Variants in PITPNB observed in about 807,000 individuals in gnomAD.
The protein encoded by PITPNB is phosphatidylinositol transfer protein beta.
PITPNB carries 16 observed loss-of-function variants against 45.9 expected under a neutral mutation model. The ratio of observed to expected loss-of-function variants is 0.35; its 90% CI spans 0.24 to 0.53. PITPNB has a LOEUF of 0.53. Among genes scored for constraint, PITPNB ranks in the 20% least tolerant of loss-of-function variants. PITPNB has a pLI of 0.93. For synonymous variants in PITPNB, 112 were observed against 108.9 expected (o/e 1.03, Z -0.18); for missense variants, 188 against 330.5 (o/e 0.57, Z 3.34).
At chr22:27,914,912 T>C (rs1482839803) in intron 1 of PITPNB, among the ~76,000 whole-genome samples, 1 of 152,198 alleles carries the variant, frequency 6.6e-6, no homozygotes, top group Non-Finnish European at 1.5e-5. Context: ...TTGAACCTTA[T>C]AATAATCCCT....
At chr22:27,900,028 C>G (rs1935547971) in intron 3 of PITPNB, among the ~76,000 whole-genome samples, 1 of 151,866 alleles carries the variant, frequency 6.6e-6, no homozygotes, top group African/African-American at 2.4e-5. Flanking sequence ...CATGGCAAAA[C>G]CCATCTCTAC....
rs141874957 is a variant in PITPNB, at chr22:27,900,940, A to G, written c.198-3048T>C. On this transcript the variant is annotated intron_variant, in intron 3 of 11. Transcript: ENST00000335272. Reference sequence around the variant, plus strand: ...GCAGATTCCTGTTTTGGAAGCTTAGAGAGCCTCAGAAAAGGAACAATTATT... The same window carrying G: ...GCAGATTCCTGTTTTGGAAGCTTAGGGAGCCTCAGAAAAGGAACAATTATT... 8.5e-3 allele frequency among the ~76,000 whole-genome samples: 1,292 copies of G among 152,340 alleles called. 21 individuals carry two copies. The highest frequency in any genetic ancestry group is 0.029 in the African/African-American group (1,200 of 41,574).
intron 7 of PITPNB, among the ~76,000 whole-genome samples, chr22:27,874,965 A>G (rs1934778599): frequency 6.6e-6 from 1 of 152,252 alleles, no homozygotes; most frequent in Non-Finnish European, 1.5e-5. Context: ...GCTCCACAGT[A>G]TAATACGAAC....
At chr22:27,901,112 A>C (rs1601419743) in intron 3 of PITPNB, among the ~76,000 whole-genome samples, 2 of 152,368 alleles carry the variant, frequency 1.3e-5, no homozygotes, top group African/African-American at 4.8e-5. Context: ...CCTCAAGGTA[A>C]ACATGGCTAG....
chr22:27,860,928 C>T (rs116762156), intron 8 of PITPNB, among the ~76,000 whole-genome samples: 1,588 of 150,532 alleles, frequency 0.011, 37 homozygotes, highest in African/African-American at 0.037. Context: ...TGGCTCATGC[C>T]TGTAATCCCA....
Position 27,911,009 on chromosome 22 carries a change from T to A in PITPNB, c.152A>T (p.Asp51Val). The A allele has an allele frequency of 6.2e-7, 1 of 1,612,374 alleles. No homozygotes were observed. The highest frequency in any genetic ancestry group is 8.5e-7 in the Non-Finnish European group (1 of 1,178,450). The stretch of plus-strand genomic sequence containing the variant: ...GTGCGTATACTGTCCCTTTTCTCCA[T>A]CCTTCTCATAAGGTTCATTCTTTAA... ...EVLKNEPYEK[D>V]GEKGQYTHKI... Residue 51 changes from aspartate to valine, a missense_variant, in exon 3 of 12, where the codon GAT becomes GTT. Asp to Val is a radical substitution (Grantham distance 152). Coordinates refer to ENST00000335272, the MANE Select transcript of PITPNB (RefSeq NM_012399.5).
chr22:27,882,484 A>G (rs1051163188), intron 7 of PITPNB, among the ~76,000 whole-genome samples: 2 of 152,254 alleles, frequency 1.3e-5, no homozygotes, highest in African/African-American at 4.8e-5. Flanking sequence ...TCACCAAATA[A>G]AGAACAAGCA....
intron 3 of PITPNB, among the ~76,000 whole-genome samples, chr22:27,905,031 ACT>A (rs1288412484): frequency 2.6e-5 from 4 of 152,252 alleles, no homozygotes; most frequent in East Asian, 3.8e-4. Context: ...GATTTGGAAA[ACT>A]CTGAACTGTG....
rs115048206 is a variant in PITPNB at position 27,906,479 on chromosome 22, C to T, written c.197+4485G>A. Among the ~76,000 whole-genome samples, 1,033 of 152,240 alleles carry T rather than the reference C, an allele frequency of 6.8e-3. 7 individuals are homozygous for T. The highest frequency in any genetic ancestry group is 0.023 in the African/African-American group (936 of 41,532). On this transcript the variant is annotated intron_variant, in intron 3 of 11. Coordinates refer to ENST00000335272, the MANE Select transcript of PITPNB (RefSeq NM_012399.5). ...AAATAACTCTTCCACAGGATTCAGACGTAGAGCAAAGTGGTTAGTTGAGCA... is the reference window on the plus strand; with the variant it reads ...AAATAACTCTTCCACAGGATTCAGATGTAGAGCAAAGTGGTTAGTTGAGCA...
At chr22:27,871,202 TA>T (rs1569010454) in intron 8 of PITPNB, among the ~76,000 whole-genome samples, 2 of 152,242 alleles carry the variant, frequency 1.3e-5, no homozygotes, top group East Asian at 3.8e-4. Flanking sequence ...ACATGGTATA[TA>T]TTCCAAGTTC....
intron 3 of PITPNB, among the ~76,000 whole-genome samples, chr22:27,903,125 AC>A (rs1417612461): frequency 6.6e-6 from 1 of 152,140 alleles, no homozygotes; most frequent in Admixed American, 6.5e-5. Context: ...AGGAACTAGT[AC>A]CCGGAATATA....
chr22:27,877,161 C>T (rs543718184), intron 7 of PITPNB, among the ~76,000 whole-genome samples: 7 of 152,276 alleles, frequency 4.6e-5, no homozygotes, highest in African/African-American at 1.4e-4. Flanking sequence ...TGCTAAAGTG[C>T]ACTGTGTTTA....
intron 10 of PITPNB, among the ~76,000 whole-genome samples, chr22:27,855,700 G>C (rs1934153065): frequency 2.0e-5 from 3 of 152,186 alleles, no homozygotes; most frequent in Admixed American, 1.3e-4. Context: ...CTCAACTCCA[G>C]GGCAGTTCCC....
At chr22:27,862,559 G>T (rs1229595520) in intron 8 of PITPNB, among the ~76,000 whole-genome samples, 14 of 152,102 alleles carry the variant, frequency 9.2e-5, no homozygotes, top group Non-Finnish European at 2.9e-5. Context: ...GGTGAGCTCT[G>T]TTAACAAAAT....
chr22:27,851,856 TC>T lies in PITPNB; in HGVS notation c.*1845del. On this transcript the variant is annotated 3_prime_UTR_variant, in exon 12 of 12. Coordinates refer to ENST00000335272, the MANE Select transcript of PITPNB (RefSeq NM_012399.5). ...CTCTCATTTCCATGTGCGCCTAAGCTCCCAATGATACTACAGATGCCAGCGA... is the reference window on the plus strand; with the variant it reads ...CTCTCATTTCCATGTGCGCCTAAGCTCCAATGATACTACAGATGCCAGCGA... 1 of 152,174 alleles carries T rather than the reference TC, an allele frequency of 6.6e-6. No individual in the cohort carries two copies. Among genetic ancestry groups the T allele is most frequent in the South Asian group, 2.1e-4 (1 of 4,822 alleles). The allele number at this position is 152,174 out of a possible 1,614,324, so 9.4% of individuals were successfully genotyped here. A position where few individuals can be genotyped will look rare whatever the true frequency, so the allele number is the denominator to read the frequency against.
intron 7 of PITPNB, among the ~76,000 whole-genome samples, chr22:27,892,783 C>T (rs1157891797): frequency 1.3e-5 from 2 of 152,142 alleles, no homozygotes; most frequent in South Asian, 2.1e-4. Context: ...GAAACAACTT[C>T]GAATCACAGC....
rs369540653 is a variant in PITPNB, at chr22:27,869,966, C to A, written c.534+3772G>T. Among the ~76,000 whole-genome samples the A allele has an allele frequency of 1.6e-4, 25 of 152,222 alleles. No homozygotes were observed. The East Asian group carries it at 1.7e-3, about 11-fold the overall frequency. ...CATTGAAAACGTACCACTAGTGTAA[C>A]AGAAATTATCAAATTCTGGCAAATA... On this transcript the variant is annotated intron_variant, in intron 8 of 11. Coordinates refer to ENST00000335272, the MANE Select transcript of PITPNB (RefSeq NM_012399.5).
intron 2 of PITPNB, among the ~76,000 whole-genome samples, chr22:27,912,542 A>C (rs1935956228): frequency 6.6e-6 from 1 of 152,160 alleles, no homozygotes; most frequent in Non-Finnish European, 1.5e-5. Flanking sequence ...ACACAATAAC[A>C]ATATTCAAAT....
At chr22:27,862,329 T>C (rs1404873432) in intron 8 of PITPNB, among the ~76,000 whole-genome samples, 2 of 152,192 alleles carry the variant, frequency 1.3e-5, no homozygotes, top group Non-Finnish European at 2.9e-5. Context: ...CAGTTTTAAG[T>C]TAATTCTAGG....
Sources: allele counts gnomAD v4.1 joint callset (sites outside exome capture counted in the v4.1 genomes callset), GRCh38; gene constraint gnomAD v4.1.1; transcripts MANE v1.5; gene names NCBI Gene and HGNC (gene_info 2026-07-23, HGNC 2026-07-21).